The following NFATC2 variants were observed in gnomAD, a reference collection of about 807,000 sequenced individuals.
The protein encoded by NFATC2 is nuclear factor of activated T cells 2, also known as nuclear factor of activated T-cells, cytoplasmic 2.
A neutral mutation model predicts 87.3 loss-of-function variants in NFATC2; 22 were observed. The observed-to-expected ratio is 0.25, with a 90% CI of 0.18 to 0.36. NFATC2 has a LOEUF of 0.36. Ranked by LOEUF, NFATC2 falls within the 10% of genes least tolerant of loss-of-function variation. NFATC2 has a pLI of 1.00. For missense variants in NFATC2, 1,149 were observed against 1,259.1 expected (o/e 0.91, Z 1.32); for synonymous variants, 565 against 542.2 (o/e 1.04, Z -0.58).
chr20:51,542,751 G>GGA (rs1555819106), upstream of NFATC2: 4 of 614,632 alleles, frequency 6.5e-6, no homozygotes, highest in African/African-American at 1.3e-4. Flanking sequence ...CGGGGAGGCG[G>GGA]GGGGGGGGGG....
intron 1 of NFATC2, among the ~76,000 whole-genome samples, chr20:51,553,414 G>T (rs528892737): frequency 8.0e-4 from 121 of 151,974 alleles, no homozygotes; most frequent in African/African-American, 2.4e-3. Flanking sequence ...GGTGGCTCAC[G>T]CCTGTAATCC....
chr20:51,545,521 G>A (rs1014138748), upstream of NFATC2, among the ~76,000 whole-genome samples: 2 of 152,220 alleles, frequency 1.3e-5, no homozygotes, highest in Non-Finnish European at 2.9e-5. Flanking sequence ...ATGGATGTGT[G>A]GATAAATGGA....
intron 7 of NFATC2, 94 bp downstream of exon 7, chr20:51,435,612 G>C: frequency 7.4e-7 from 1 of 1,347,890 alleles, no homozygotes; most frequent in Non-Finnish European, 1.0e-6. Context: ...AGCTCTGGGG[G>C]ACACTGATGA....
At chr20:51,416,841 G>A (rs1468619237) in intron 9 of NFATC2, among the ~76,000 whole-genome samples, 1 of 152,184 alleles carries the variant, frequency 6.6e-6, no homozygotes, top group Non-Finnish European at 1.5e-5. Flanking sequence ...GATGGGAGCT[G>A]AGCATGGGGG....
chr20:51,561,568 T>TC (rs113481949), intron 1 of NFATC2, among the ~76,000 whole-genome samples: 9,671 of 126,580 alleles, frequency 0.076, 669 homozygotes, highest in African/African-American at 0.15. Flanking sequence ...TGTCATTTCT[T>TC]CCCCCCCCCA....
chr20:51,545,906 C>T (rs1224319275), upstream of NFATC2, among the ~76,000 whole-genome samples: 5 of 152,134 alleles, frequency 3.3e-5, no homozygotes, highest in African/African-American at 7.2e-5. Flanking sequence ...ATCCATTAAT[C>T]AATGGAAGAG....
chr20:51,534,396 G>A (rs139803863), intron 1 of NFATC2, among the ~76,000 whole-genome samples: 5 of 152,282 alleles, frequency 3.3e-5, no homozygotes, highest in Non-Finnish European at 5.9e-5. Flanking sequence ...GTGCAGTGGC[G>A]CAATCTCAGC....
chr20:51,420,690 G>A (rs577339254), intron 9 of NFATC2, among the ~76,000 whole-genome samples: 13 of 152,122 alleles, frequency 8.5e-5, no homozygotes, highest in South Asian at 4.2e-4. Flanking sequence ...GACTCCCGAC[G>A]CAAATGAACT....
intron 3 of NFATC2, among the ~76,000 whole-genome samples, chr20:51,498,327 T>C (rs112044656): frequency 0.011 from 1,611 of 152,282 alleles, 20 homozygotes; most frequent in African/African-American, 0.037. Flanking sequence ...ACCGCTGTTC[T>C]TGAGATAGAT....
At chr20:51,476,187 A>G (rs1289288155) in intron 3 of NFATC2, among the ~76,000 whole-genome samples, 29 of 144,464 alleles carry the variant, frequency 2.0e-4, no homozygotes, top group Non-Finnish European at 2.3e-4. Flanking sequence ...TTAACTCATC[A>G]TTTAACATTA....
At chr20:51,510,151 C>G (rs1480122473) in intron 3 of NFATC2, among the ~76,000 whole-genome samples, 1 of 152,162 alleles carries the variant, frequency 6.6e-6, no homozygotes, top group Admixed American at 6.5e-5. Flanking sequence ...AAACATGCAT[C>G]CCAGAGAGTT....
chr20:51,463,699 C>T (rs1029326310), intron 5 of NFATC2, among the ~76,000 whole-genome samples: 1 of 152,216 alleles, frequency 6.6e-6, no homozygotes, highest in Non-Finnish European at 1.5e-5. Context: ...CCTTCGGAGC[C>T]TCAGCCTGCA....
At chr20:51,465,335 G>C (rs1273997452) in intron 5 of NFATC2, among the ~76,000 whole-genome samples, 1 of 152,138 alleles carries the variant, frequency 6.6e-6, no homozygotes, top group Non-Finnish European at 1.5e-5. Flanking sequence ...AGCCAAGATT[G>C]CACCACTGCA....
chr20:51,411,909 G>A (rs1304577047), intron 9 of NFATC2, among the ~76,000 whole-genome samples: 1 of 152,144 alleles, frequency 6.6e-6, no homozygotes, highest in Non-Finnish European at 1.5e-5. Context: ...TGACCAAAGT[G>A]CAAGAAATTT....
At chr20:51,540,647 G>GTTTTTTTGTTTTTT (rs2076793412) in intron 1 of NFATC2, among the ~76,000 whole-genome samples, 1 of 112,974 alleles carries the variant, frequency 8.9e-6, no homozygotes, top group African/African-American at 4.4e-5. Context: ...AAAAACTGAA[G>GTTTTTTTGTTTTTT]TTTTTTTTTT....
chr20:51,467,636 A>T lies in NFATC2; in HGVS notation c.1708+6344T>A, dbSNP rs557368601. Among the ~76,000 whole-genome samples, 3 of 152,342 alleles carry T rather than the reference A, an allele frequency of 2.0e-5. No individual in the cohort carries two copies. In the East Asian group the frequency reaches 5.8e-4, roughly 29 times the overall value. ...TTAGTCATTAGGGAAATGCACATTAAAACCACAATGAGATCCCATTTTACT... is the reference window on the plus strand; with the variant it reads ...TTAGTCATTAGGGAAATGCACATTATAACCACAATGAGATCCCATTTTACT... On this transcript the variant is annotated intron_variant, in intron 5 of 10. Coordinates refer to ENST00000371564, the MANE Select transcript of NFATC2 (RefSeq NM_012340.5).
chr20:51,394,066 C>T (rs945881854), intron 10 of NFATC2, among the ~76,000 whole-genome samples: 1 of 152,154 alleles, frequency 6.6e-6, no homozygotes, highest in Non-Finnish European at 1.5e-5. Flanking sequence ...TGCACTTAGA[C>T]CTTCTTGCTA....
At chr20:51,462,156 C>T (rs374915668) in intron 5 of NFATC2, among the ~76,000 whole-genome samples, 7 of 147,784 alleles carry the variant, frequency 4.7e-5, no homozygotes, top group Admixed American at 2.7e-4. Context: ...AATAACAGGC[C>T]GGGCAGGGTG....
intron 2 of NFATC2, among the ~76,000 whole-genome samples, chr20:51,518,019 ATG>A (rs895607560): frequency 7.4e-4 from 113 of 152,262 alleles, no homozygotes; most frequent in African/African-American, 2.7e-3. Flanking sequence ...GCATGATTGT[ATG>A]TGAACAAAAT....
Sources: gnomAD v4.1 joint callset for allele counts (sites outside exome capture counted in the v4.1 genomes callset) on GRCh38, gnomAD v4.1.1 for gene constraint, MANE v1.5 for transcripts, NCBI Gene and HGNC (gene_info 2026-07-23, HGNC 2026-07-21) for gene names.